ITGA9: variants seen among roughly 807,000 people sequenced by gnomAD.
The protein encoded by ITGA9 is integrin alpha-9.
Under a neutral mutation model 127.8 loss-of-function variants are expected in ITGA9, and 56 were observed. The ratio of observed to expected loss-of-function variants is 0.44; its 90% CI spans 0.35 to 0.55. The LOEUF (loss-of-function observed/expected upper bound fraction) is 0.55. ITGA9 is among the 20% of genes least tolerant of loss of function. ITGA9 has a pLI of 0.00. For synonymous variants in ITGA9, 508 were observed against 514.5 expected, an observed-to-expected ratio of 0.99 and a Z score of 0.17; for missense variants, 1,196 against 1,347.1, an observed-to-expected ratio of 0.89 and a Z score of 1.76.
chr3:37,740,062 C>T (rs1198188058), intron 20 of ITGA9, among the ~76,000 whole-genome samples: 5 of 152,278 alleles, frequency 3.3e-5, no homozygotes, highest in African/African-American at 9.6e-5. Flanking sequence ...ATGGGGTCAG[C>T]GTCACACAGC....
At chr3:37,541,587 TG>T (rs1699270580) in intron 14 of ITGA9, among the ~76,000 whole-genome samples, 1 of 152,172 alleles carries the variant, frequency 6.6e-6, no homozygotes, top group African/African-American at 2.4e-5. Flanking sequence ...TTCAAGACTG[TG>T]TTACAAAAGT....
rs530966922 is a variant in ITGA9 at position 37,597,027 on chromosome 3, G to C, written c.1690-32160G>C. Among the ~76,000 whole-genome samples the C allele has an allele frequency of 5.5e-4, 84 of 152,264 alleles. 1 individual carries two copies. The South Asian group carries it at 0.017, about 30-fold the overall frequency. On this transcript the variant is annotated intron_variant, in intron 15 of 27. Transcript: ENST00000264741. This position sits in a 1 kb window ranked among gnomAD's most constrained non-coding sequence, Gnocchi z 4.6. ...AAGCAGCTGCTGGGAAAGGGGGTGA[G>C]AGGAAGTGACTGCAGCTTTTTTATC...
chr3:37,721,688 C>T (rs957728990), intron 18 of ITGA9, among the ~76,000 whole-genome samples: 4 of 152,114 alleles, frequency 2.6e-5, no homozygotes, highest in African/African-American at 4.8e-5. Context: ...TCGGAGTGTT[C>T]GTGGCCAGCT....
chr3:37,605,244 G>T (rs1209534522), intron 15 of ITGA9, among the ~76,000 whole-genome samples: 2 of 152,148 alleles, frequency 1.3e-5, no homozygotes, highest in East Asian at 1.9e-4. Context: ...GATGAGCGGG[G>T]AGAGTGGGAG....
rs532501671 is a variant in ITGA9 at position 37,627,208 on chromosome 3, A to T, written c.1690-1979A>T. Among the ~76,000 whole-genome samples, 5 of 152,282 alleles carry T rather than the reference A, an allele frequency of 3.3e-5. No homozygotes were observed. The South Asian group carries it at 1.0e-3, about 32-fold the overall frequency. ...GAATGATTGAATCTATTCCCAGCCG[A>T]ATGTTTTCCTGAACACCAGTAAAAA... On this transcript the variant is annotated intron_variant, in intron 15 of 27. Transcript: ENST00000264741.
At chr3:37,484,889 C>T (rs1286753295) in intron 4 of ITGA9, among the ~76,000 whole-genome samples, 5 of 152,154 alleles carry the variant, frequency 3.3e-5, no homozygotes, top group Non-Finnish European at 5.9e-5. Flanking sequence ...CTAATATATG[C>T]TAAGCATATA....
intron 18 of ITGA9, among the ~76,000 whole-genome samples, chr3:37,700,668 A>G (rs535045239): frequency 1.9e-4 from 29 of 152,328 alleles, no homozygotes; most frequent in African/African-American, 6.7e-4. Flanking sequence ...CTTTTTATTC[A>G]TTGATTCATA....
At chr3:37,587,343 A>T (rs6550484) in intron 15 of ITGA9, among the ~76,000 whole-genome samples, 3 of 152,124 alleles carry the variant, frequency 2.0e-5, no homozygotes, top group Non-Finnish European at 2.9e-5. Context: ...AAAACAGTTA[A>T]GTTCAGGTCC....
At chr3:37,732,618 C>G (rs993753026) in intron 18 of ITGA9, 94 bp from the exon 19 acceptor site, 2 of 898,616 alleles carry the variant, frequency 2.2e-6, no homozygotes, top group Non-Finnish European at 3.6e-6. Context: ...ACCGTCTGAG[C>G]ACTGCTCTGA....
chr3:37,676,806 C>T (rs1253091904), intron 17 of ITGA9, among the ~76,000 whole-genome samples: 1 of 152,216 alleles, frequency 6.6e-6, no homozygotes, highest in East Asian at 1.9e-4. Context: ...CTACTTGCCT[C>T]TCGCTAATCT....
At chr3:37,698,280 G>T (rs1700908837) in intron 18 of ITGA9, among the ~76,000 whole-genome samples, 1 of 152,124 alleles carries the variant, frequency 6.6e-6, no homozygotes, top group South Asian at 2.1e-4. Context: ...CTCCCATTTT[G>T]TAGGTTGCCT....
At chr3:37,678,482 T>G (rs1332857313) in intron 17 of ITGA9, among the ~76,000 whole-genome samples, 1 of 152,208 alleles carries the variant, frequency 6.6e-6, no homozygotes, top group Non-Finnish European at 1.5e-5. Flanking sequence ...CCCTATACTA[T>G]TATCCTAGTC....
At chr3:37,568,898 C>T (rs1412932992) in intron 15 of ITGA9, among the ~76,000 whole-genome samples, 2 of 152,222 alleles carry the variant, frequency 1.3e-5, no homozygotes, top group African/African-American at 2.4e-5. Context: ...ACTGTTCCAA[C>T]CTCTGCCTGT....
intron 13 of ITGA9, among the ~76,000 whole-genome samples, chr3:37,528,905 C>T (rs2125584840): frequency 6.6e-6 from 1 of 152,338 alleles, no homozygotes; most frequent in South Asian, 2.1e-4. Flanking sequence ...CCTTGTGCCT[C>T]TGGCTGGTCA....
chr3:37,588,995 A>G (rs981897263), intron 15 of ITGA9, among the ~76,000 whole-genome samples: 2 of 152,230 alleles, frequency 1.3e-5, no homozygotes, highest in African/African-American at 2.4e-5. Flanking sequence ...GAAGATGTTT[A>G]CACAAAGCTG....
At chr3:37,512,741 CAGTT>C (rs1698945602) in intron 8 of ITGA9, among the ~76,000 whole-genome samples, 1 of 152,112 alleles carries the variant, frequency 6.6e-6, no homozygotes, top group Non-Finnish European at 1.5e-5. Context: ...CTCTTGGTGG[CAGTT>C]AGCTGCAGCT....
At chr3:37,457,846 A>G (rs1300915171) in intron 1 of ITGA9, among the ~76,000 whole-genome samples, 2 of 152,130 alleles carry the variant, frequency 1.3e-5, no homozygotes, top group Non-Finnish European at 2.9e-5. Flanking sequence ...CCCAGTGGAG[A>G]ACCTTCCAGG....
intron 17 of ITGA9, among the ~76,000 whole-genome samples, chr3:37,654,557 C>T (rs1303444336): frequency 1.3e-5 from 2 of 152,136 alleles, no homozygotes; most frequent in Non-Finnish European, 2.9e-5. Context: ...AGTTTTATTA[C>T]CATTTCTGAA....
chr3:37,821,794 T>C lies in ITGA9; in HGVS notation c.*2805T>C, dbSNP rs972001523. On this transcript the variant is annotated 3_prime_UTR_variant, in exon 28 of 28. Coordinates refer to ENST00000264741, the MANE Select transcript of ITGA9 (RefSeq NM_002207.3). ...TATACCCAGGAGGTCACTAAGACTTTATAAAGGCAGGTTTTAAGAAAACCA... is the reference window on the plus strand; with the variant it reads ...TATACCCAGGAGGTCACTAAGACTTCATAAAGGCAGGTTTTAAGAAAACCA... 3 of 151,890 alleles carry C rather than the reference T, an allele frequency of 2.0e-5. No homozygotes were observed. The highest frequency in any genetic ancestry group is 4.4e-5 in the Non-Finnish European group (3 of 67,994). 9.4% of individuals were successfully genotyped at this position (151,890 alleles called of 1,614,324 possible).
Sources: allele counts gnomAD v4.1 joint callset (sites outside exome capture counted in the v4.1 genomes callset), GRCh38; gene constraint gnomAD v4.1.1; non-coding constraint Gnocchi (gnomAD v3.1); transcripts MANE v1.5; gene names NCBI Gene and HGNC (gene_info 2026-07-23, HGNC 2026-07-21).